Variants in ZFPM2 observed in about 807,000 individuals in gnomAD.
ZFPM2 encodes the protein zinc finger protein, FOG family member 2.
ZFPM2 carries 20 observed loss-of-function variants against 98.6 expected under a neutral mutation model. The ratio of observed to expected loss-of-function variants is 0.20; its 90% confidence interval spans 0.14 to 0.29. The LOEUF (loss-of-function observed/expected upper bound fraction) is 0.29, where lower values mean the gene tolerates loss of function less well. ZFPM2 is among the 10% of genes least tolerant of loss of function. The pLI is 1.00. For missense variants in ZFPM2, 1,310 were observed against 1,388.6 expected (o/e 0.94, Z 0.90); for synonymous variants, 518 against 502.7 (o/e 1.03, Z -0.41).
chr8:105,527,277 A>G (rs2130569237), intron 3 of ZFPM2, among the ~76,000 whole-genome samples: 1 of 152,278 alleles, frequency 6.6e-6, no homozygotes, highest in Non-Finnish European at 1.5e-5. Context: ...TTAAAACTCT[A>G]AAAGAGCCTC....
chr8:105,794,515 CTCAGGGG>C (rs773247227), intron 6 of ZFPM2, among the ~76,000 whole-genome samples: 22 of 152,200 alleles, frequency 1.4e-4, no homozygotes, highest in African/African-American at 3.4e-4. Flanking sequence ...AGTTAGGCTG[CTCAGGGG>C]TCAGGGGTCA....
At position 105,651,818 on chromosome 8, in the gene ZFPM2, T is replaced by C. The variant is rs79520427; in HGVS notation, c.532+17461T>C. ...CATTCAACAGAATAAACTCTAGTGT[T>C]ACCTGATTGAGTTTCAGAAATTACT... is the stretch of plus-strand genomic sequence containing the variant. On this transcript the variant is annotated intron_variant, in intron 5 of 7. Coordinates refer to ENST00000407775, the MANE Select transcript of ZFPM2 (RefSeq NM_012082.4). 8.5e-5 allele frequency among the ~76,000 whole-genome samples: 13 copies of C among 152,324 alleles called. No individual in the cohort carries two copies. In the East Asian group the frequency reaches 2.5e-3, roughly 29 times the overall value.
rs1265198879 is a variant in ZFPM2, at chr8:105,481,521, C to T, written c.301+37140C>T. ...GACTCTAATCCTATTGGATTAGGCT[C>T]CTAAATTTATGAGCTAATAATCTAA... On this transcript the variant is annotated intron_variant, in intron 3 of 7. Transcript: ENST00000407775. 2.6e-5 allele frequency among the ~76,000 whole-genome samples: 4 copies of T among 152,000 alleles called. No homozygotes were observed. In the South Asian group the frequency reaches 6.2e-4, roughly 24 times the overall value.
chr8:105,347,872 A>T (rs980115298), intron 1 of ZFPM2, among the ~76,000 whole-genome samples: 1 of 152,120 alleles, frequency 6.6e-6, no homozygotes, highest in African/African-American at 2.4e-5. Context: ...AATAATAACA[A>T]AGAAAACAAA....
chr8:105,740,865 A>G (rs901002981), intron 5 of ZFPM2, among the ~76,000 whole-genome samples: 4 of 152,106 alleles, frequency 2.6e-5, no homozygotes, highest in African/African-American at 4.8e-5. Context: ...ACAGAAAACT[A>G]AAACAGAGAA....
At chr8:105,570,414 G>T (rs1156817935) in intron 4 of ZFPM2, among the ~76,000 whole-genome samples, 2 of 152,120 alleles carry the variant, frequency 1.3e-5, no homozygotes, top group East Asian at 1.9e-4. Flanking sequence ...TTGAATGTGA[G>T]TCAGAAAGGA....
At chr8:105,572,631 C>A (rs1026888218) in intron 4 of ZFPM2, among the ~76,000 whole-genome samples, 3 of 151,950 alleles carry the variant, frequency 2.0e-5, no homozygotes, top group Non-Finnish European at 4.4e-5. Context: ...CTATGCCTGG[C>A]TAATTTTATA....
chr8:105,325,572 T>G (rs1359418937), intron 1 of ZFPM2, among the ~76,000 whole-genome samples: 4 of 151,812 alleles, frequency 2.6e-5, no homozygotes, highest in African/African-American at 9.7e-5. Flanking sequence ...CATGGCAACT[T>G]CATCTCTTGG....
At chr8:105,584,067 A>AT (rs1040332887) in intron 4 of ZFPM2, among the ~76,000 whole-genome samples, 5 of 152,084 alleles carry the variant, frequency 3.3e-5, no homozygotes, top group Admixed American at 3.3e-4. Flanking sequence ...TTGGTATTAC[A>AT]TTTTTAAAGG....
rs28635674 is a variant in ZFPM2, at chr8:105,469,782, G to A, written c.301+25401G>A. On this transcript the variant is annotated intron_variant, in intron 3 of 7. Transcript: ENST00000407775. ...TCATAGAACACTATGATGGGATTCT[G>A]TTATTAAGCCCATGTTTTGTGCATG... Among the ~76,000 whole-genome samples the A allele has an allele frequency of 5.3e-3, 810 of 152,270 alleles. 9 individuals are homozygous for A. Among genetic ancestry groups the A allele is most frequent in the African/African-American group, 0.019 (781 of 41,556 alleles).
intron 3 of ZFPM2, among the ~76,000 whole-genome samples, chr8:105,532,153 C>T (rs992571508): frequency 5.3e-5 from 8 of 152,118 alleles, no homozygotes; most frequent in East Asian, 3.9e-4. Flanking sequence ...CCACCTGTCT[C>T]GGGCTCCCAA....
intron 4 of ZFPM2, among the ~76,000 whole-genome samples, chr8:105,564,106 G>A (rs1815196282): frequency 6.6e-6 from 1 of 151,838 alleles, no homozygotes; most frequent in South Asian, 2.1e-4. Flanking sequence ...GACAGTTGAT[G>A]TCATTTTGCT....
intron 1 of ZFPM2, chr8:105,418,910 C>A: frequency 1.7e-6 from 1 of 583,322 alleles, no homozygotes; most frequent in Admixed American, 2.9e-5. Flanking sequence ...AATGGAGATG[C>A]AGGTTGCTTT....
At chr8:105,605,183 G>A (rs570637369) in intron 4 of ZFPM2, among the ~76,000 whole-genome samples, 13 of 152,114 alleles carry the variant, frequency 8.5e-5, no homozygotes, top group African/African-American at 2.2e-4. Flanking sequence ...AAAAGACAGC[G>A]GAGATAGTAG....
At chr8:105,496,568 G>C (rs972901475) in intron 3 of ZFPM2, among the ~76,000 whole-genome samples, 1 of 152,022 alleles carries the variant, frequency 6.6e-6, no homozygotes, top group Non-Finnish European at 1.5e-5. Context: ...TCTTATTCTG[G>C]TGAGGTTGAA....
intron 5 of ZFPM2, among the ~76,000 whole-genome samples, chr8:105,771,501 A>T (rs1378869736): frequency 1.3e-5 from 2 of 152,194 alleles, no homozygotes; most frequent in Non-Finnish European, 2.9e-5. Flanking sequence ...TCTTAAGTAT[A>T]GCACTGACCC....
chr8:105,764,551 T>C (rs1812815942), intron 5 of ZFPM2, among the ~76,000 whole-genome samples: 1 of 151,820 alleles, frequency 6.6e-6, no homozygotes, highest in Non-Finnish European at 1.5e-5. Context: ...AAAAAAAATC[T>C]TCCATGGATT....
At chr8:105,667,500 C>G (rs566766873) in intron 5 of ZFPM2, among the ~76,000 whole-genome samples, 6 of 152,308 alleles carry the variant, frequency 3.9e-5, no homozygotes, top group African/African-American at 1.4e-4. Context: ...GATGTGGTGT[C>G]AGATTGCACA....
intron 5 of ZFPM2, among the ~76,000 whole-genome samples, chr8:105,713,963 C>T (rs994821423): frequency 2.6e-5 from 4 of 151,900 alleles, no homozygotes; most frequent in African/African-American, 9.7e-5. Flanking sequence ...TCCATATGAA[C>T]TTTCGAATAG....
Sources: allele counts gnomAD v4.1 joint callset (sites outside exome capture counted in the v4.1 genomes callset), GRCh38; gene constraint gnomAD v4.1.1; transcripts MANE v1.5; gene names NCBI Gene and HGNC (gene_info 2026-07-23, HGNC 2026-07-21).